THSD7A: variants seen among roughly 807,000 people sequenced by gnomAD.
The protein encoded by THSD7A is thrombospondin type-1 domain-containing protein 7A.
THSD7A carries 96 observed loss-of-function variants against 231.3 expected under a neutral mutation model. The observed-to-expected ratio is 0.41, with a 90% CI of 0.35 to 0.49. THSD7A has a LOEUF of 0.49. Ranked by LOEUF, THSD7A falls within the 20% of genes least tolerant of loss-of-function variation. The pLI is 0.05. For missense variants in THSD7A, 2,290 were observed against 2,070.2 expected (o/e 1.11, Z -2.06); for synonymous variants, 940 against 743.3 (o/e 1.26, Z -4.30).
intron 8 of THSD7A, among the ~76,000 whole-genome samples, chr7:11,473,213 TG>T (rs1390781996): frequency 1.3e-5 from 2 of 152,126 alleles, no homozygotes; most frequent in Non-Finnish European, 2.9e-5. Context: ...CATCTCATAA[TG>T]GGATTCATAT....
intron 1 of THSD7A, among the ~76,000 whole-genome samples, chr7:11,773,421 T>G (rs1042162637): frequency 6.6e-6 from 1 of 151,914 alleles, no homozygotes; most frequent in Non-Finnish European, 1.5e-5. Flanking sequence ...CCCCAGCTAC[T>G]CGGGAGGCTG....
chr7:11,673,143 G>A (rs1283096114), intron 1 of THSD7A, among the ~76,000 whole-genome samples: 1 of 152,100 alleles, frequency 6.6e-6, no homozygotes, highest in Non-Finnish European at 1.5e-5. Context: ...AGGAAGCATG[G>A]CAGCCTGCCT....
chr7:11,778,380 T>G (rs1375045202), intron 1 of THSD7A, among the ~76,000 whole-genome samples: 1 of 152,120 alleles, frequency 6.6e-6, no homozygotes, highest in Admixed American at 6.5e-5. Flanking sequence ...AGCTTAGTTA[T>G]GATTAACCAA....
chr7:11,418,546 G>C (rs186183228), intron 16 of THSD7A, among the ~76,000 whole-genome samples: 27 of 152,296 alleles, frequency 1.8e-4, no homozygotes, highest in African/African-American at 6.3e-4. Flanking sequence ...AGGAAGGCTT[G>C]AACTCTCAAG....
rs564016388 is a variant in THSD7A, at chr7:11,737,455, T to C, written c.190+94302A>G. Among the ~76,000 whole-genome samples, 5 of 152,178 alleles carry C rather than the reference T, an allele frequency of 3.3e-5. No individual in the cohort carries two copies. The South Asian group carries it at 1.0e-3, about 32-fold the overall frequency. ...AGAGGACTATGCAAGACCATTCTGATGCCATGCCTGTGCCCCGTCCTAGAA... is the reference window on the plus strand; with the variant it reads ...AGAGGACTATGCAAGACCATTCTGACGCCATGCCTGTGCCCCGTCCTAGAA... On this transcript the variant is annotated intron_variant, in intron 1 of 27. Transcript: ENST00000423059.
intron 23 of THSD7A, among the ~76,000 whole-genome samples, chr7:11,400,965 C>A (rs1389241245): frequency 2.0e-5 from 3 of 152,058 alleles, no homozygotes; most frequent in African/African-American, 7.2e-5. Flanking sequence ...TGCTGTGATT[C>A]TTGAAGATGT....
At chr7:11,612,669 C>T (rs1026005970) in intron 2 of THSD7A, among the ~76,000 whole-genome samples, 1 of 152,052 alleles carries the variant, frequency 6.6e-6, no homozygotes, top group South Asian at 2.1e-4. Flanking sequence ...ACAGTATTAC[C>T]AGATCATCTT....
chr7:11,440,588 C>T (rs1256590002), intron 13 of THSD7A, among the ~76,000 whole-genome samples: 1 of 151,958 alleles, frequency 6.6e-6, no homozygotes, highest in Non-Finnish European at 1.5e-5. Context: ...TCATGGATGA[C>T]TTTGAGGGGG....
chr7:11,782,315 A>T (rs1221754059), intron 1 of THSD7A, among the ~76,000 whole-genome samples: 1 of 152,136 alleles, frequency 6.6e-6, no homozygotes, highest in Non-Finnish European at 1.5e-5. Context: ...GATCAGCCTA[A>T]TGTTAGGAAT....
chr7:11,547,078 G>T (rs773277757), intron 4 of THSD7A, among the ~76,000 whole-genome samples: 13 of 152,254 alleles, frequency 8.5e-5, no homozygotes, highest in Non-Finnish European at 1.5e-4. Context: ...CTAAACCTAT[G>T]ACTCACTGGC....
chr7:11,541,597 C>G lies in THSD7A; in HGVS notation c.1644G>C (p.Glu548Asp), dbSNP rs752194398. 6.2e-6 allele frequency: 10 copies of G among 1,613,942 alleles called. No individual in the cohort carries two copies. The South Asian group carries it at 1.1e-4, about 18-fold the overall frequency. The change falls in exon 6 of 28, where the codon GAG becomes GAC. Residue 548 changes from glutamate (E) to aspartate (D), a missense_variant. By Grantham distance (45) the Glu-to-Asp change is conservative. Transcript: ENST00000423059. ...CGGTTACCCCAGAGCCTCCAGTGGG[C>G]TCATTGGTAATGCGCCGCTTCCTCA... ...FKLRKRRITNEPTGGSGVTGN... is the reference protein window; with the variant it reads ...FKLRKRRITNDPTGGSGVTGN...
chr7:11,453,467 A>G (rs17164584), intron 11 of THSD7A, among the ~76,000 whole-genome samples: 7,711 of 151,990 alleles, frequency 0.051, 577 homozygotes, highest in African/African-American at 0.17. Flanking sequence ...GTCTAGATTC[A>G]AGAATGCATC....
At chr7:11,544,557 AAACTAC>A (rs2128323751) in intron 4 of THSD7A, among the ~76,000 whole-genome samples, 1 of 152,322 alleles carries the variant, frequency 6.6e-6, no homozygotes, top group African/African-American at 2.4e-5. Context: ...AAAAAAATTT[AAACTAC>A]ATTTTCCTAA....
intron 1 of THSD7A, among the ~76,000 whole-genome samples, chr7:11,818,661 A>T (rs761212692): frequency 5.3e-5 from 8 of 152,224 alleles, no homozygotes; most frequent in Non-Finnish European, 1.0e-4. Context: ...ATGCAGCTAC[A>T]TGATTTATTA....
rs751048602 is a variant in THSD7A at position 11,509,821 on chromosome 7, C to CAAAAAAAAAA, written c.1823-27849_1823-27840dup. ...TGGGCGACAGAGCCAGAGTCCGTCTCAAAAAAAAAAAAAAATAACATCTGA... is the reference window on the plus strand; with the variant it reads ...TGGGCGACAGAGCCAGAGTCCGTCTCAAAAAAAAAAAAAAAAAAAAAAAAATAACATCTGA... On this transcript the variant is annotated intron_variant, in intron 6 of 27. Coordinates refer to ENST00000423059, the MANE Select transcript of THSD7A (RefSeq NM_015204.3). Among the ~76,000 whole-genome samples, 74 of 39,948 alleles carry CAAAAAAAAAA rather than the reference C, an allele frequency of 1.9e-3. 9 individuals carry two copies. Among genetic ancestry groups the CAAAAAAAAAA allele is most frequent in the African/African-American group, 2.9e-3 (41 of 13,942 alleles). 26.2% of individuals were successfully genotyped at this position (39,948 alleles called of 152,430 possible).
At chr7:11,719,909 G>A (rs1427426161) in intron 1 of THSD7A, among the ~76,000 whole-genome samples, 2 of 151,622 alleles carry the variant, frequency 1.3e-5, no homozygotes, top group South Asian at 2.1e-4. Context: ...AGGATGAACC[G>A]TTCTACTTTC....
At chr7:11,651,858 T>C (rs1189365037) in intron 1 of THSD7A, among the ~76,000 whole-genome samples, 1 of 151,994 alleles carries the variant, frequency 6.6e-6, no homozygotes, top group Non-Finnish European at 1.5e-5. Flanking sequence ...AATAATATAT[T>C]CTAAGTTCAT....
Position 11,583,386 on chromosome 7 carries a change from C to T in THSD7A, c.1453+7074G>A, listed in dbSNP as rs979700226. Among the ~76,000 whole-genome samples the T allele has an allele frequency of 3.3e-5, 5 of 152,258 alleles. 1 individual carries two copies. The highest frequency in any genetic ancestry group is 3.3e-4 in the Admixed American group (5 of 15,300). ...CCACCTCCTGGGCTCAAGAGATCCT[C>T]TTACCTCAGCCTCCCATGTAGATGG... On this transcript the variant is annotated intron_variant, in intron 4 of 27. Transcript: ENST00000423059.
intron 4 of THSD7A, among the ~76,000 whole-genome samples, chr7:11,582,767 T>G (rs1791220608): frequency 6.6e-6 from 1 of 152,210 alleles, no homozygotes; most frequent in African/African-American, 2.4e-5. Context: ...AATTTCACTA[T>G]TAATTTGCTA....
Sources: gnomAD v4.1 joint callset for allele counts (sites outside exome capture counted in the v4.1 genomes callset) on GRCh38, gnomAD v4.1.1 for gene constraint, MANE v1.5 for transcripts, NCBI Gene and HGNC (gene_info 2026-07-23, HGNC 2026-07-21) for gene names.